The following TM2D1 variants were observed in gnomAD, a reference collection of about 807,000 sequenced individuals.
TM2D1 encodes the protein TM2 domain containing 1.
Under a neutral mutation model 28.4 loss-of-function variants are expected in TM2D1, and 15 were observed. The observed-to-expected ratio is 0.53, with a 90% CI of 0.35 to 0.81. The LOEUF (loss-of-function observed/expected upper bound fraction) is 0.81, where lower values mean the gene tolerates loss of function less well. Ranked by LOEUF, TM2D1 falls within the 40% of genes least tolerant of loss-of-function variation. TM2D1 has a pLI of 0.01. For synonymous variants in TM2D1, 93 were observed against 96.2 expected, an observed-to-expected ratio of 0.97 and a Z score of 0.20; for missense variants, 236 against 254.9, an observed-to-expected ratio of 0.93 and a Z score of 0.50.
At chr1:61,689,648 T>C (rs1044632506) in intron 5 of TM2D1, among the ~76,000 whole-genome samples, 5 of 152,136 alleles carry the variant, frequency 3.3e-5, no homozygotes, top group Non-Finnish European at 5.9e-5. Flanking sequence ...GCTGAAACTA[T>C]AGGCACTCAT....
chr1:61,720,141 A>C (rs1025853767), intron 2 of TM2D1, among the ~76,000 whole-genome samples: 2 of 152,220 alleles, frequency 1.3e-5, no homozygotes, highest in African/African-American at 2.4e-5. Flanking sequence ...ACCATAGCAA[A>C]ATTTTCTGGA....
intron 5 of TM2D1, among the ~76,000 whole-genome samples, chr1:61,693,015 G>A (rs1254346358): frequency 6.6e-6 from 1 of 152,152 alleles, no homozygotes; most frequent in Admixed American, 6.5e-5. Flanking sequence ...GGCTGAGGTG[G>A]GCAGATTGCT....
intron 2 of TM2D1, among the ~76,000 whole-genome samples, chr1:61,723,470 C>T (rs771886666): frequency 9.2e-5 from 14 of 152,126 alleles, no homozygotes; most frequent in Middle Eastern, 3.2e-3. Flanking sequence ...GGAACATCCA[C>T]GTCCAGCCCT....
chr1:61,690,908 T>C (rs532393423), intron 5 of TM2D1, among the ~76,000 whole-genome samples: 2 of 152,330 alleles, frequency 1.3e-5, no homozygotes, highest in South Asian at 2.1e-4. Flanking sequence ...TCAGACATTA[T>C]GCTAAATTTC....
chr1:61,708,979 A>G (rs572767910), intron 3 of TM2D1, among the ~76,000 whole-genome samples: 1 of 152,250 alleles, frequency 6.6e-6, no homozygotes, highest in African/African-American at 2.4e-5. Flanking sequence ...AGCGCTGGGA[A>G]ACATAGAGAG....
chr1:61,721,848 G>A (rs1361194817), intron 2 of TM2D1, among the ~76,000 whole-genome samples: 1 of 150,126 alleles, frequency 6.7e-6, no homozygotes, highest in Non-Finnish European at 1.5e-5. Flanking sequence ...AGTGGCTCAT[G>A]CCTGTCATCC....
chr1:61,697,840 C>A (rs1368342692), intron 4 of TM2D1: 1 of 152,058 alleles, frequency 6.6e-6, no homozygotes, highest in Non-Finnish European at 1.5e-5. Context: ...TCTCTAGTTT[C>A]CTTAAATGTA....
intron 4 of TM2D1, among the ~76,000 whole-genome samples, chr1:61,696,764 C>A (rs1484993188): frequency 6.6e-6 from 1 of 151,992 alleles, no homozygotes; most frequent in South Asian, 2.1e-4. Flanking sequence ...CCTATCCCTG[C>A]CCCATAACCC....
chr1:61,710,448 G>GTGTA (rs1553142673), intron 2 of TM2D1, among the ~76,000 whole-genome samples: 1 of 49,608 alleles, frequency 2.0e-5, no homozygotes, highest in African/African-American at 4.8e-5. Flanking sequence ...AAAAAAAAAT[G>GTGTA]TATATATATA....
intron 3 of TM2D1, among the ~76,000 whole-genome samples, chr1:61,702,471 C>T (rs547366929): frequency 1.3e-5 from 2 of 150,794 alleles, no homozygotes; most frequent in African/African-American, 4.9e-5. Context: ...CAGGTTCAAG[C>T]GATTCTTCCA....
intron 2 of TM2D1, among the ~76,000 whole-genome samples, chr1:61,717,318 A>C (rs1228595148): frequency 6.6e-6 from 1 of 151,858 alleles, no homozygotes; most frequent in East Asian, 1.9e-4. Flanking sequence ...CAGTGAGCCG[A>C]GATAGTGCCA....
chr1:61,695,101 T>C (rs867934277), intron 4 of TM2D1, among the ~76,000 whole-genome samples: 3 of 152,102 alleles, frequency 2.0e-5, no homozygotes, highest in Non-Finnish European at 4.4e-5. Flanking sequence ...TTACATCTTT[T>C]AGTCCTAAAA....
Position 61,683,824 on chromosome 1 carries a change from C to CT in TM2D1, c.514-279dup, listed in dbSNP as rs746070510. The CT allele has an allele frequency of 6.3e-4, 141 of 224,712 alleles. 1 individual carries two copies. Among genetic ancestry groups the CT allele is most frequent in the Non-Finnish European group, 9.3e-4 (108 of 116,458 alleles). 13.9% of individuals were successfully genotyped at this position (224,712 alleles called of 1,614,324 possible). A position where few individuals can be genotyped will look rare whatever the true frequency, so the allele number is the denominator to read the frequency against. On this transcript the variant is annotated intron_variant, in intron 5 of 6. Transcript: ENST00000606498. ...TTCCCTGCCTCCTTGCTTAGCTCTG[C>CT]TTGTCTTCATTCTGCAGAGTGGCAC...
At chr1:61,703,748 A>G (rs1570111898) in intron 3 of TM2D1, among the ~76,000 whole-genome samples, 2 of 61,074 alleles carry the variant, frequency 3.3e-5, no homozygotes, top group Non-Finnish European at 3.4e-5. Flanking sequence ...ATATATATAT[A>G]TATATATGCA....
intron 2 of TM2D1, among the ~76,000 whole-genome samples, chr1:61,721,482 C>A (rs765452808): frequency 6.8e-6 from 1 of 147,690 alleles, no homozygotes; most frequent in Non-Finnish European, 1.5e-5. Flanking sequence ...GCAGAGGTTG[C>A]AATGAGCTGA....
At chr1:61,718,101 T>C (rs972069109) in intron 2 of TM2D1, among the ~76,000 whole-genome samples, 2 of 152,142 alleles carry the variant, frequency 1.3e-5, no homozygotes, top group Non-Finnish European at 2.9e-5. Context: ...GTGGATTGCT[T>C]GAGCTCAGGA....
At chr1:61,699,541 A>T (rs564559848) in intron 4 of TM2D1, 2 of 152,228 alleles carry the variant, frequency 1.3e-5, no homozygotes, top group South Asian at 4.2e-4. Context: ...TTGTCCCCTA[A>T]TCTCCCAGTG....
At chr1:61,689,017 A>G (rs897303020) in intron 5 of TM2D1, among the ~76,000 whole-genome samples, 1 of 152,250 alleles carries the variant, frequency 6.6e-6, no homozygotes, top group African/African-American at 2.4e-5. Flanking sequence ...AGCCTGGGCA[A>G]CAGAGCAAGA....
At chr1:61,718,480 A>G (rs1644538193) in intron 2 of TM2D1, among the ~76,000 whole-genome samples, 1 of 152,252 alleles carries the variant, frequency 6.6e-6, no homozygotes, top group Non-Finnish European at 1.5e-5. Context: ...CAGTCTATAA[A>G]AAAAGAATAG....
Sources: gnomAD v4.1 joint callset for allele counts (sites outside exome capture counted in the v4.1 genomes callset) on GRCh38, gnomAD v4.1.1 for gene constraint, MANE v1.5 for transcripts, NCBI Gene and HGNC (gene_info 2026-07-23, HGNC 2026-07-21) for gene names.